CAST: variants seen among roughly 807,000 people sequenced by gnomAD.
The protein encoded by CAST is calpastatin, also known as MIR583 host.
CAST carries 76 observed loss-of-function variants against 119.6 expected under a neutral mutation model. That is an observed-to-expected ratio of 0.64 (90% confidence interval 0.53 to 0.77). CAST has a LOEUF of 0.77. Ranked by LOEUF, CAST falls within the 30% of genes least tolerant of loss-of-function variation. The pLI is 0.00. For missense variants in CAST, 953 were observed against 946.5 expected, an observed-to-expected ratio of 1.01 and a Z score of -0.09; for synonymous variants, 319 against 331.6, an observed-to-expected ratio of 0.96 and a Z score of 0.41.
chr5:96,515,581 A>G, the CAST span, among the ~76,000 whole-genome samples: 2 of 152,048 alleles, frequency 1.3e-5, no homozygotes, highest in South Asian at 2.1e-4. Context: ...AGTGCCAGTA[A>G]TATTTCTGTT....
At chr5:96,094,457 A>G in the CAST span, among the ~76,000 whole-genome samples, 1 of 151,100 alleles carries the variant, frequency 6.6e-6, no homozygotes, top group African/African-American at 2.4e-5. Flanking sequence ...TCCAAGGGAC[A>G]TTTGATTCCA....
the CAST span, among the ~76,000 whole-genome samples, chr5:96,307,559 C>T: frequency 5.3e-5 from 8 of 152,190 alleles, no homozygotes; most frequent in Non-Finnish European, 1.2e-4. Context: ...ATGGTCTTTA[C>T]AATTTGGCAT....
At chr5:96,292,416 A>G in the CAST span, among the ~76,000 whole-genome samples, 1 of 152,208 alleles carries the variant, frequency 6.6e-6, no homozygotes, top group African/African-American at 2.4e-5. Flanking sequence ...TTAGTTCTCA[A>G]CGTTATCTGT....
chr5:96,296,933 C>A, the CAST span, among the ~76,000 whole-genome samples: 1 of 152,150 alleles, frequency 6.6e-6, no homozygotes, highest in South Asian at 2.1e-4. Flanking sequence ...TGATGCTTTT[C>A]TATTGCTTCT....
rs27433 is a variant in CAST at position 96,774,231 on chromosome 5, T to G, written c.*1615T>G. The G allele has an allele frequency of 0.81, 124,944 of 154,036 alleles. 51,022 individuals are homozygous for G. The highest frequency in any genetic ancestry group is 0.85 in the Admixed American group (13,055 of 15,292). The allele number at this position is 154,036 out of a possible 1,614,324, so 9.5% of individuals were successfully genotyped here. A position where few individuals can be genotyped will look rare whatever the true frequency, so the allele number is the denominator to read the frequency against. On this transcript the variant is annotated 3_prime_UTR_variant, in exon 32 of 32. Coordinates refer to ENST00000675179, the MANE Select transcript of CAST (RefSeq NM_001750.7). Reference sequence around the variant, plus strand: ...CAGATGTGTTTGCAAGGATACGGCTTCAGTATTACTAATTTCCATGTGTAT... The same window carrying G: ...CAGATGTGTTTGCAAGGATACGGCTGCAGTATTACTAATTTCCATGTGTAT...
At chr5:96,180,139 G>T in the CAST span, among the ~76,000 whole-genome samples, 4 of 152,182 alleles carry the variant, frequency 2.6e-5, no homozygotes, top group African/African-American at 4.8e-5. Context: ...TTTCTCAAAG[G>T]TCAGAGAGGC....
the CAST span, among the ~76,000 whole-genome samples, chr5:96,161,222 T>A: frequency 6.6e-6 from 1 of 152,130 alleles, no homozygotes; most frequent in Non-Finnish European, 1.5e-5. Context: ...TGTTTTCATC[T>A]AAAGAGTTTT....
chr5:96,133,872 A>G, the CAST span, among the ~76,000 whole-genome samples: 1 of 152,098 alleles, frequency 6.6e-6, no homozygotes, highest in Non-Finnish European at 1.5e-5. Context: ...TGCTCACTCA[A>G]CTTCCCCACT....
the CAST span, among the ~76,000 whole-genome samples, chr5:96,348,840 G>T: frequency 6.6e-6 from 1 of 152,080 alleles, no homozygotes; most frequent in African/African-American, 2.4e-5. Context: ...GAGATACCTG[G>T]GGAATTAGGA....
At chr5:96,560,976 G>C (rs1198888342) in intron 1 of CAST, among the ~76,000 whole-genome samples, 5 of 152,164 alleles carry the variant, frequency 3.3e-5, no homozygotes, top group Non-Finnish European at 7.3e-5. Context: ...TGATAGACTG[G>C]ATTAAGAAAA....
intron 12 of CAST, among the ~76,000 whole-genome samples, chr5:96,740,459 C>T (rs925010151): frequency 6.6e-6 from 1 of 152,132 alleles, no homozygotes; most frequent in Non-Finnish European, 1.5e-5. Flanking sequence ...TCTCTACACA[C>T]CGTCTTCCTT....
chr5:96,336,882 T>C, the CAST span, among the ~76,000 whole-genome samples: 2 of 152,268 alleles, frequency 1.3e-5, no homozygotes, highest in Admixed American at 1.3e-4. Flanking sequence ...TAGTAGAAGA[T>C]CACACTTCAA....
At chr5:96,142,898 T>C in the CAST span, among the ~76,000 whole-genome samples, 1 of 152,162 alleles carries the variant, frequency 6.6e-6, no homozygotes, top group Admixed American at 6.5e-5. Flanking sequence ...TGTTATTACC[T>C]AATCTTATCC....
At chr5:96,749,530 TC>T (rs370454877) in intron 19 of CAST, among the ~76,000 whole-genome samples, 7 of 152,122 alleles carry the variant, frequency 4.6e-5, no homozygotes, top group Non-Finnish European at 7.4e-5. Flanking sequence ...TTGCTTCTGT[TC>T]TTTTTGTTTG....
chr5:96,587,982 CAG>C (rs1363311290), intron 1 of CAST, among the ~76,000 whole-genome samples: 3 of 152,024 alleles, frequency 2.0e-5, no homozygotes, highest in African/African-American at 7.2e-5. Flanking sequence ...TCATGTAGCT[CAG>C]GTTTCTTTTC....
chr5:96,182,296 T>C, the CAST span, among the ~76,000 whole-genome samples: 23 of 152,330 alleles, frequency 1.5e-4, no homozygotes, highest in East Asian at 4.2e-3. Context: ...TGATTTGAAC[T>C]TGAGATCCTT....
At chr5:96,756,799 C>G (rs763121795) in intron 22 of CAST, among the ~76,000 whole-genome samples, 3 of 152,060 alleles carry the variant, frequency 2.0e-5, no homozygotes, top group Non-Finnish European at 2.9e-5. Flanking sequence ...GTATATAGAT[C>G]TCCTTTTACT....
intron 2 of CAST, among the ~76,000 whole-genome samples, chr5:96,687,504 G>C (rs751769866): frequency 1.3e-5 from 2 of 152,172 alleles, no homozygotes; most frequent in Non-Finnish European, 2.9e-5. Context: ...TGTTTGGAAA[G>C]AACTAACAAG....
the CAST span, among the ~76,000 whole-genome samples, chr5:96,280,557 C>G: frequency 5.9e-5 from 9 of 152,230 alleles, no homozygotes; most frequent in Non-Finnish European, 8.8e-5. Flanking sequence ...GGCCCCTGCT[C>G]TGACACCAAC....
Sources: gnomAD v4.1 joint callset for allele counts (sites outside exome capture counted in the v4.1 genomes callset) on GRCh38, gnomAD v4.1.1 for gene constraint, MANE v1.5 for transcripts, NCBI Gene and HGNC (gene_info 2026-07-23, HGNC 2026-07-21) for gene names.